The following PHYHIPL variants were observed in gnomAD, a reference collection of about 807,000 sequenced individuals.
The protein encoded by PHYHIPL is phytanoyl-CoA hydroxylase-interacting protein-like.
PHYHIPL carries 9 observed loss-of-function variants against 33.4 expected under a neutral mutation model. The observed-to-expected ratio is 0.27, with a 90% CI of 0.16 to 0.47. The LOEUF (loss-of-function observed/expected upper bound fraction) is 0.47, where lower values mean the gene tolerates loss of function less well. PHYHIPL is among the 20% of genes least tolerant of loss of function. The probability of loss-of-function intolerance (pLI) is 0.99; values close to 1 mark genes in which losing one functional copy is unlikely to be tolerated. For missense variants in PHYHIPL, 365 were observed against 460.7 expected, an observed-to-expected ratio of 0.79 and a Z score of 1.90; for synonymous variants, 153 against 154.1, an observed-to-expected ratio of 0.99 and a Z score of 0.05.
rs750308727 is a variant in PHYHIPL at position 59,245,485 on chromosome 10, T to C, written c.1025T>C (p.Val342Ala). The change falls in exon 5 of 5, where the codon GTG becomes GCG. Residue 342 changes from valine to alanine, a missense_variant. By Grantham distance (64) the Val-to-Ala change is moderately conservative. Transcript: ENST00000373880. ...TACACTGACCCTGTGGATCTTTCTG[T>C]GGGCACCGTGGCAGAAATCACTGGT... ...VIYTDPVDLS[V>A]GTVAEITGHQ... is the part of the protein sequence containing the mutation. 97 of 1,614,062 alleles carry C rather than the reference T, an allele frequency of 6.0e-5. No homozygotes were observed. Among genetic ancestry groups the C allele is most frequent in the Non-Finnish European group, 8.1e-5 (95 of 1,180,028 alleles).
At chr10:59,214,542 G>A (rs1027542957) in intron 1 of PHYHIPL, among the ~76,000 whole-genome samples, 1 of 151,994 alleles carries the variant, frequency 6.6e-6, no homozygotes, top group East Asian at 1.9e-4. Context: ...AGTCTGTTAT[G>A]TGTGTATTGT....
At chr10:59,200,919 T>C (rs1365631988) in intron 1 of PHYHIPL, among the ~76,000 whole-genome samples, 1 of 152,214 alleles carries the variant, frequency 6.6e-6, no homozygotes, top group African/African-American at 2.4e-5. Context: ...TTTATCATTT[T>C]TTATTGTGTC....
chr10:59,217,292 A>G (rs577813133), intron 1 of PHYHIPL, among the ~76,000 whole-genome samples: 1 of 152,224 alleles, frequency 6.6e-6, no homozygotes, highest in African/African-American at 2.4e-5. Context: ...ATGAATACAA[A>G]TAGAGCCTCA....
intron 4 of PHYHIPL, among the ~76,000 whole-genome samples, chr10:59,239,468 T>C (rs1840326943): frequency 6.6e-6 from 1 of 152,000 alleles, no homozygotes; most frequent in Admixed American, 6.6e-5. Flanking sequence ...CCATGACATG[T>C]GGGAATTGTG....
chr10:59,177,074 T>C, intron 1 of PHYHIPL, 115 bp downstream of exon 1: 2 of 855,666 alleles, frequency 2.3e-6, no homozygotes, highest in Non-Finnish European at 3.6e-6. Flanking sequence ...TTGTCCCCTC[T>C]GTGCAAATAA....
chr10:59,213,903 A>G (rs1315229124), intron 1 of PHYHIPL, among the ~76,000 whole-genome samples: 1 of 152,182 alleles, frequency 6.6e-6, no homozygotes, highest in Non-Finnish European at 1.5e-5. Context: ...TACTATGGGT[A>G]CGACCACTAG....
chr10:59,177,449 T>TTTTTAGC, intron 1 of PHYHIPL: 1 of 1,512,316 alleles, frequency 6.6e-7, no homozygotes, highest in South Asian at 1.3e-5. Context: ...TTAACAAGTC[T>TTTTTAGC]TTTTAGCCTC....
intron 1 of PHYHIPL, among the ~76,000 whole-genome samples, chr10:59,199,842 A>G (rs564429740): frequency 1.3e-5 from 2 of 152,116 alleles, no homozygotes; most frequent in South Asian, 4.2e-4. Flanking sequence ...TTCACTCATG[A>G]TTTGGCTCTC....
At chr10:59,191,275 T>C (rs541848940) in intron 1 of PHYHIPL, among the ~76,000 whole-genome samples, 5 of 152,096 alleles carry the variant, frequency 3.3e-5, no homozygotes, top group African/African-American at 1.2e-4. Flanking sequence ...ACTAGGTATA[T>C]GCGATGAATA....
Position 59,177,704 on chromosome 10 carries a change from A to G in PHYHIPL, c.106+745A>G, listed in dbSNP as rs944572839. On this transcript the variant is annotated intron_variant, in intron 1 of 4. Coordinates refer to ENST00000373880, the MANE Select transcript of PHYHIPL (RefSeq NM_032439.4). ...CTGTGGAAGGAAATTGATTGAATAC[A>G]GGTCTGAGCGTTGAAGACATAAGCT... 4 of 1,455,580 alleles carry G rather than the reference A, an allele frequency of 2.7e-6. No individual in the cohort carries two copies. In the African/African-American group the frequency reaches 5.6e-5, roughly 20 times the overall value. The allele number at this position is 1,455,580 out of a possible 1,614,324, so 90.2% of individuals were successfully genotyped here.
upstream of PHYHIPL, chr10:59,176,474 T>C (rs1287242909): frequency 6.4e-6 from 1 of 155,952 alleles, no homozygotes; most frequent in African/African-American, 2.4e-5. Flanking sequence ...TGGGGGCGCG[T>C]GCGCGCAGAA....
intron 1 of PHYHIPL, among the ~76,000 whole-genome samples, chr10:59,191,419 T>C (rs1009824804): frequency 2.6e-5 from 4 of 152,024 alleles, no homozygotes; most frequent in African/African-American, 9.7e-5. Flanking sequence ...TGTATGCTTT[T>C]GTTCATAGGT....
At chr10:59,233,989 C>T (rs937665382) in intron 1 of PHYHIPL, among the ~76,000 whole-genome samples, 3 of 151,746 alleles carry the variant, frequency 2.0e-5, no homozygotes, top group African/African-American at 7.2e-5. Context: ...ATCAACATGT[C>T]TATGAAATTA....
chr10:59,201,890 A>G (rs1453422528), intron 1 of PHYHIPL, among the ~76,000 whole-genome samples: 2 of 152,176 alleles, frequency 1.3e-5, no homozygotes, highest in African/African-American at 2.4e-5. Flanking sequence ...TAAATAATCT[A>G]TCAGAGAAAT....
intron 1 of PHYHIPL, among the ~76,000 whole-genome samples, chr10:59,231,104 AC>A: frequency 1.3e-4 from 1 of 7,684 alleles, no homozygotes; most frequent in South Asian, 5.3e-3. Context: ...GAAGAAAAAA[AC>A]AATTTTTTTT....
intron 4 of PHYHIPL, among the ~76,000 whole-genome samples, chr10:59,241,931 T>C (rs1238579781): frequency 1.3e-5 from 2 of 151,894 alleles, no homozygotes; most frequent in African/African-American, 4.8e-5. Context: ...ACCCACAGGA[T>C]TGGGAAAGAG....
rs372850349 is a variant in PHYHIPL, at chr10:59,177,003, C to G, written c.106+44C>G. ...GCGAGGAAAGGGACAGAGTTCGCGC[C>G]GAGGCGCCGGGGCCACTCTGGCTCC... On this transcript the variant is annotated intron_variant, in intron 1 of 4. Coordinates refer to ENST00000373880, the MANE Select transcript of PHYHIPL (RefSeq NM_032439.4). 4.5e-5 allele frequency: 70 copies of G among 1,568,580 alleles called. No individual in the cohort carries two copies. In the South Asian group the frequency reaches 7.7e-4, roughly 17 times the overall value.
chr10:59,211,216 A>T (rs1839429254), intron 1 of PHYHIPL, among the ~76,000 whole-genome samples: 1 of 151,966 alleles, frequency 6.6e-6, no homozygotes, highest in Admixed American at 6.6e-5. Context: ...TCTAAAAAAA[A>T]AATTATTTTG....
rs180937463 is a variant in PHYHIPL at position 59,193,909 on chromosome 10, T to G, written c.106+16950T>G. On this transcript the variant is annotated intron_variant, in intron 1 of 4. Transcript: ENST00000373880. Reference sequence around the variant, plus strand: ...TGGTTCTGGAATTTGCTGTTTATACTACTTGTTTTGCTAAAAGCTTTACAT... The same window carrying G: ...TGGTTCTGGAATTTGCTGTTTATACGACTTGTTTTGCTAAAAGCTTTACAT... 3.8e-4 allele frequency among the ~76,000 whole-genome samples: 58 copies of G among 152,268 alleles called. 1 individual carries two copies. Among genetic ancestry groups the G allele is most frequent in the Admixed American group, 1.6e-3 (24 of 15,284 alleles).
Sources: allele counts gnomAD v4.1 joint callset (sites outside exome capture counted in the v4.1 genomes callset), GRCh38; gene constraint gnomAD v4.1.1; transcripts MANE v1.5; gene names NCBI Gene and HGNC (gene_info 2026-07-23, HGNC 2026-07-21).